Variants in STK32B observed in about 807,000 individuals in gnomAD.
The protein encoded by STK32B is serine/threonine kinase 32B, also known as serine/threonine-protein kinase 32B.
A neutral mutation model predicts 52.6 loss-of-function variants in STK32B; 43 were observed. The observed-to-expected ratio is 0.82, with a 90% CI of 0.64 to 1.05. The LOEUF is 1.05. Ranked by LOEUF, STK32B falls within the 50% of genes least tolerant of loss-of-function variation. The pLI is 0.00. For missense variants in STK32B, 621 were observed against 534.6 expected, an observed-to-expected ratio of 1.16 and a Z score of -1.59; for synonymous variants, 238 against 204.3, an observed-to-expected ratio of 1.17 and a Z score of -1.41.
At chr4:5,366,829 C>T (rs1468336447) in intron 4 of STK32B, among the ~76,000 whole-genome samples, 4 of 152,256 alleles carry the variant, frequency 2.6e-5, no homozygotes, top group African/African-American at 7.2e-5. Context: ...AGCTGCCATC[C>T]GTTGCGTACC....
chr4:5,356,596 G>A (rs115583798), intron 4 of STK32B, among the ~76,000 whole-genome samples: 2,041 of 152,140 alleles, frequency 0.013, 47 homozygotes, highest in African/African-American at 0.045. Flanking sequence ...CCCTGCAGTC[G>A]CTTATTGTGT....
At chr4:5,153,924 T>C (rs1324140599) in intron 2 of STK32B, among the ~76,000 whole-genome samples, 1 of 152,210 alleles carries the variant, frequency 6.6e-6, no homozygotes, top group Admixed American at 6.5e-5. Context: ...CAAACTTATA[T>C]ACAGATTTGA....
At chr4:5,363,044 A>G (rs890600031) in intron 4 of STK32B, among the ~76,000 whole-genome samples, 1 of 152,144 alleles carries the variant, frequency 6.6e-6, no homozygotes, top group Non-Finnish European at 1.5e-5. Context: ...CTGCCAAAGC[A>G]TCTCACATAC....
intron 4 of STK32B, among the ~76,000 whole-genome samples, chr4:5,356,325 C>T (rs897550693): frequency 3.9e-5 from 6 of 152,120 alleles, no homozygotes; most frequent in Admixed American, 6.5e-5. Flanking sequence ...TTAGGACCCA[C>T]CCTAAATCCA....
rs1033048836 is a variant in STK32B at position 5,453,904 on chromosome 4, T to A, written c.667-2903T>A. 1.4e-5 allele frequency among the ~76,000 whole-genome samples: 2 copies of A among 148,042 alleles called. No individual in the cohort carries two copies. The highest frequency in any genetic ancestry group is 3.0e-5 in the Non-Finnish European group (2 of 67,024). ...TAGGCGACAAGAGTGAAACTCCATCTAAAAAAAAAGAAGTCCAAAACTGAA... is the reference window on the plus strand; with the variant it reads ...TAGGCGACAAGAGTGAAACTCCATCAAAAAAAAAAGAAGTCCAAAACTGAA... On this transcript the variant is annotated intron_variant, in intron 7 of 11. Coordinates refer to ENST00000282908, the MANE Select transcript of STK32B (RefSeq NM_018401.3). The surrounding 1 kb of genome is among the most constrained non-coding windows in gnomAD (Gnocchi z 4.0).
At chr4:5,098,781 A>G (rs1397369152) in intron 1 of STK32B, among the ~76,000 whole-genome samples, 1 of 152,180 alleles carries the variant, frequency 6.6e-6, no homozygotes, top group African/African-American at 2.4e-5. Context: ...TATGTACCCT[A>G]GAAACTAAAC....
At chr4:5,422,657 G>A (rs1712741654) in intron 6 of STK32B, among the ~76,000 whole-genome samples, 1 of 152,194 alleles carries the variant, frequency 6.6e-6, no homozygotes, top group Non-Finnish European at 1.5e-5. Flanking sequence ...TGAGTGTTTA[G>A]GAGGTACAGG....
intron 4 of STK32B, among the ~76,000 whole-genome samples, chr4:5,335,154 A>T (rs1030512609): frequency 9.2e-5 from 14 of 152,042 alleles, no homozygotes; most frequent in African/African-American, 2.7e-4. Context: ...ACAATTTCAG[A>T]TCCTGTTATT....
chr4:5,456,931 G>C lies in STK32B; in HGVS notation c.783+8G>C. On this transcript the variant is annotated splice_region_variant and intron_variant, in intron 8 of 11. Coordinates refer to ENST00000282908, the MANE Select transcript of STK32B (RefSeq NM_018401.3). The stretch of plus-strand genomic sequence containing the variant: ...GTGGCCCTGCTGAGGAAGGTAAGGG[G>C]GCAGCTTCCAGCCTGCCCCGCCAGG... 1 of 1,523,200 alleles carries C rather than the reference G, an allele frequency of 6.6e-7. No individual in the cohort carries two copies. The highest frequency in any genetic ancestry group is 1.3e-5 in the South Asian group (1 of 78,196). 94.4% of individuals were successfully genotyped at this position (1,523,200 alleles called of 1,614,324 possible).
the STK32B span, among the ~76,000 whole-genome samples, chr4:5,036,659 ATTTTTTTTTTTTT>A: frequency 4.0e-5 from 3 of 74,204 alleles, no homozygotes; most frequent in Admixed American, 3.8e-4. Flanking sequence ...GCAAGGGTGG[ATTTTTTTTTTTTT>A]TTTTTTTTTT....
intron 11 of STK32B, among the ~76,000 whole-genome samples, chr4:5,483,625 G>T (rs1476853983): frequency 6.6e-6 from 1 of 152,028 alleles, no homozygotes; most frequent in African/African-American, 2.4e-5. Flanking sequence ...CTTGCCTTCT[G>T]CTAGCTTTTG....
intron 11 of STK32B, among the ~76,000 whole-genome samples, chr4:5,493,541 A>G (rs1719933740): frequency 6.6e-6 from 1 of 152,100 alleles, no homozygotes; most frequent in African/African-American, 2.4e-5. Flanking sequence ...TCCTGGATTC[A>G]TTAATTTTTG....
chr4:5,076,267 A>C (rs1265433968), intron 1 of STK32B, among the ~76,000 whole-genome samples: 1 of 152,190 alleles, frequency 6.6e-6, no homozygotes, highest in African/African-American at 2.4e-5. Context: ...CAAATAATCC[A>C]ATCTACCATA....
At chr4:5,473,985 A>C in intron 11 of STK32B, among the ~76,000 whole-genome samples, 1 of 152,046 alleles carries the variant, frequency 6.6e-6, no homozygotes. Context: ...GTGGTGGTAC[A>C]TACCTGTAAT....
At chr4:5,339,158 A>G (rs918785761) in intron 4 of STK32B, among the ~76,000 whole-genome samples, 8 of 152,086 alleles carry the variant, frequency 5.3e-5, no homozygotes, top group African/African-American at 1.9e-4. Context: ...ACGGCCTCCA[A>G]TTTCTCAGGC....
Position 5,371,060 on chromosome 4 carries a change from A to G in STK32B, c.435-27147A>G, listed in dbSNP as rs552594613. ...TATATATATGTGTGTGTGTGTGTAT[A>G]TATTCTAACACTTGTTAAAATGGTA... On this transcript the variant is annotated intron_variant, in intron 4 of 11. Transcript: ENST00000282908. Among the ~76,000 whole-genome samples, 217 of 151,548 alleles carry G rather than the reference A, an allele frequency of 1.4e-3. 1 individual carries two copies. Among genetic ancestry groups the G allele is most frequent in the African/African-American group, 4.4e-3 (182 of 41,184 alleles).
At chr4:5,187,619 G>A (rs557533347) in intron 3 of STK32B, among the ~76,000 whole-genome samples, 5 of 151,592 alleles carry the variant, frequency 3.3e-5, no homozygotes, top group African/African-American at 4.8e-5. Context: ...GGGGCCGGGC[G>A]GGGGAGGGGG....
At chr4:5,397,529 G>A (rs1049944617) in intron 4 of STK32B, among the ~76,000 whole-genome samples, 1 of 152,192 alleles carries the variant, frequency 6.6e-6, no homozygotes, top group African/African-American at 2.4e-5. Context: ...TGTCCCATGT[G>A]GGTCACTATG....
chr4:5,249,340 G>C (rs560834963), intron 3 of STK32B, among the ~76,000 whole-genome samples: 1 of 152,280 alleles, frequency 6.6e-6, no homozygotes, highest in East Asian at 1.9e-4. Context: ...AAGGCTCAAA[G>C]TTGAGTGTTA....
Sources: gnomAD v4.1 joint callset for allele counts (sites outside exome capture counted in the v4.1 genomes callset) on GRCh38, gnomAD v4.1.1 for gene constraint, Gnocchi (gnomAD v3.1) non-coding constraint, MANE v1.5 for transcripts, NCBI Gene and HGNC (gene_info 2026-07-23, HGNC 2026-07-21) for gene names.